The following COMMD7 variants were observed in gnomAD, a reference collection of about 807,000 sequenced individuals.
COMMD7 encodes COMM domain containing 7, also known as COMM domain-containing protein 7.
Under a neutral mutation model 34.8 loss-of-function variants are expected in COMMD7, and 28 were observed. The observed-to-expected ratio is 0.80, with a 90% confidence interval of 0.60 to 1.10. The LOEUF is 1.10. COMMD7 is among the 50% of genes least tolerant of loss of function. The probability of loss-of-function intolerance (pLI) is 0.00; values close to 1 mark genes in which losing one functional copy is unlikely to be tolerated. For synonymous variants in COMMD7, 80 were observed against 86.4 expected, an observed-to-expected ratio of 0.93 and a Z score of 0.41; for missense variants, 211 against 241.6, an observed-to-expected ratio of 0.87 and a Z score of 0.84.
chr20:32,706,860 GA>G, intron 3 of COMMD7, 100 bp from the exon 4 acceptor site: 1 of 893,478 alleles, frequency 1.1e-6, no homozygotes, highest in Non-Finnish European at 1.8e-6. Flanking sequence ...AGGACAAAAG[GA>G]ACACCCAAAG....
intron 1 of COMMD7, among the ~76,000 whole-genome samples, chr20:32,736,942 A>C (rs959361006): frequency 3.3e-5 from 5 of 152,134 alleles, no homozygotes; most frequent in African/African-American, 1.2e-4. Flanking sequence ...GCACTTTAGG[A>C]GGCTGAGGCA....
intron 2 of COMMD7, 28 bp from the exon 3 acceptor site, chr20:32,728,023 G>A: frequency 1.2e-6 from 2 of 1,612,532 alleles, no homozygotes; most frequent in South Asian, 1.1e-5. Context: ...TGAAAACCCG[G>A]GCCTTCACTT....
chr20:32,716,485 G>T (rs968493792), intron 3 of COMMD7, among the ~76,000 whole-genome samples: 3 of 152,046 alleles, frequency 2.0e-5, no homozygotes, highest in Non-Finnish European at 4.4e-5. Flanking sequence ...CGTGGTGGCA[G>T]GCGCCTGTAG....
intron 1 of COMMD7, among the ~76,000 whole-genome samples, chr20:32,730,426 G>A (rs1374188136): frequency 2.0e-5 from 3 of 152,120 alleles, no homozygotes; most frequent in Admixed American, 6.6e-5. Flanking sequence ...GTGGTGGTGC[G>A]TGCCTGTAAT....
chr20:32,706,209 A>G (rs1458326007), intron 5 of COMMD7, among the ~76,000 whole-genome samples: 1 of 151,772 alleles, frequency 6.6e-6, no homozygotes, highest in East Asian at 1.9e-4. Flanking sequence ...AAAAAAAAAA[A>G]AAAAGAAAGA....
At chr20:32,722,310 G>A (rs1324126138) in intron 3 of COMMD7, among the ~76,000 whole-genome samples, 2 of 151,532 alleles carry the variant, frequency 1.3e-5, no homozygotes, top group African/African-American at 2.4e-5. Context: ...GAAGACTGGG[G>A]ACAGGGACAC....
chr20:32,712,728 T>TA (rs33948437), intron 3 of COMMD7, among the ~76,000 whole-genome samples: 1 of 14,808 alleles, frequency 6.8e-5, no homozygotes, highest in Non-Finnish European at 2.8e-4. Context: ...AGATGGTCCC[T>TA]TTTTTTTTTT....
chr20:32,719,298 T>A (rs1342226590), intron 3 of COMMD7, among the ~76,000 whole-genome samples: 3 of 152,124 alleles, frequency 2.0e-5, no homozygotes, highest in Non-Finnish European at 4.4e-5. Flanking sequence ...GAAACTGTTC[T>A]GGGATGGCAG....
intron 1 of COMMD7, among the ~76,000 whole-genome samples, chr20:32,741,899 A>G (rs1986465547): frequency 6.6e-6 from 1 of 152,118 alleles, no homozygotes; most frequent in Non-Finnish European, 1.5e-5. Context: ...GCATAAGATA[A>G]ACTCAGGGCT....
At chr20:32,722,246 G>GAAAAA (rs747223357) in intron 3 of COMMD7, among the ~76,000 whole-genome samples, 1 of 37,012 alleles carries the variant, frequency 2.7e-5, no homozygotes, top group Non-Finnish European at 4.4e-5. Flanking sequence ...ACTCTGTCTC[G>GAAAAA]AAAAAAAAAA....
chr20:32,704,950 C>G, intron 5 of COMMD7, 46 bp from the exon 6 acceptor site: 1 of 1,348,460 alleles, frequency 7.4e-7, no homozygotes, highest in Non-Finnish European at 1.1e-6. Context: ...AGGAAAATCT[C>G]CCCCTCTCCA....
intron 3 of COMMD7, among the ~76,000 whole-genome samples, chr20:32,725,930 G>A (rs13036344): frequency 0.14 from 21,567 of 151,456 alleles, 2,204 homozygotes; most frequent in East Asian, 0.44. Flanking sequence ...AGGCATGGTG[G>A]TGCATGTCTG....
chr20:32,718,122 G>A (rs545730009), intron 3 of COMMD7, among the ~76,000 whole-genome samples: 245 of 151,806 alleles, frequency 1.6e-3, no homozygotes, highest in African/African-American at 5.6e-3. Flanking sequence ...ATAAAAAGGG[G>A]AGCCGGGTGC....
At chr20:32,710,612 C>T (rs901829963) in intron 3 of COMMD7, among the ~76,000 whole-genome samples, 1 of 151,672 alleles carries the variant, frequency 6.6e-6, no homozygotes, top group African/African-American at 2.4e-5. Context: ...GCCTGTGGTC[C>T]CAGCTACTCA....
intron 3 of COMMD7, among the ~76,000 whole-genome samples, chr20:32,707,294 A>ATCT (rs1407347506): frequency 7.7e-6 from 1 of 129,188 alleles, no homozygotes; most frequent in Non-Finnish European, 1.6e-5. Flanking sequence ...AAAAAAAAAA[A>ATCT]ATATATATAT....
intron 7 of COMMD7, 116 bp downstream of exon 7, chr20:32,704,324 G>A: frequency 1.0e-6 from 1 of 996,086 alleles, no homozygotes; most frequent in Non-Finnish European, 1.5e-6. Context: ...ACTGCTCTGA[G>A]ATATATAAGG....
chr20:32,716,254 C>T (rs1984768526), intron 3 of COMMD7, among the ~76,000 whole-genome samples: 1 of 152,102 alleles, frequency 6.6e-6, no homozygotes, highest in Admixed American at 6.6e-5. Context: ...GGGGAAATTC[C>T]TTTTTTTCTT....
At chr20:32,734,180 C>CAAAA (rs1208862092) in intron 1 of COMMD7, among the ~76,000 whole-genome samples, 1 of 79,900 alleles carries the variant, frequency 1.3e-5, no homozygotes, top group African/African-American at 5.1e-5. Flanking sequence ...GACTCCGTCA[C>CAAAA]AAAAAAAAAA....
At chr20:32,722,655 T>A (rs1466501620) in intron 3 of COMMD7, among the ~76,000 whole-genome samples, 1 of 135,616 alleles carries the variant, frequency 7.4e-6, no homozygotes, top group East Asian at 2.2e-4. Flanking sequence ...ACCCGGGAGG[T>A]GGAGGTTGCA....
Sources: gnomAD v4.1 joint callset for allele counts (sites outside exome capture counted in the v4.1 genomes callset) on GRCh38, gnomAD v4.1.1 for gene constraint, MANE v1.5 for transcripts, NCBI Gene and HGNC (gene_info 2026-07-23, HGNC 2026-07-21) for gene names.